ETV1: variants seen among roughly 807,000 people sequenced by gnomAD.
ETV1 encodes ETS variant transcription factor 1.
Under a neutral mutation model 62.3 loss-of-function variants are expected in ETV1, and 27 were observed. The observed-to-expected ratio is 0.43, with a 90% CI of 0.32 to 0.60. ETV1 has a LOEUF of 0.60. Ranked by LOEUF, ETV1 falls within the 20% of genes least tolerant of loss-of-function variation. ETV1 has a pLI of 0.06. For missense variants in ETV1, 605 were observed against 605.8 expected (o/e 1.00, Z 0.01); for synonymous variants, 222 against 199.6 (o/e 1.11, Z -0.94).
rs77694863 is a variant in ETV1 at position 13,911,213 on chromosome 7, C to T, written c.871+26G>A. On this transcript the variant is annotated intron_variant, in intron 10 of 13. Transcript: ENST00000430479. Reference sequence around the variant, plus strand: ...CTGATTATTCTGAACGGTATTTACACGGAATTTCAGTGGTGGACAACTTAA... The same window carrying T: ...CTGATTATTCTGAACGGTATTTACATGGAATTTCAGTGGTGGACAACTTAA... 0.046 allele frequency: 71,108 copies of T among 1,552,484 alleles called. 2,384 individuals carry two copies. The highest frequency in any genetic ancestry group is 0.12 in the South Asian group (11,117 of 89,502).
chr7:13,926,329 A>T (rs1420627197), intron 9 of ETV1, among the ~76,000 whole-genome samples: 5 of 152,210 alleles, frequency 3.3e-5, no homozygotes, highest in African/African-American at 1.2e-4. Context: ...CTACTGTAAG[A>T]TATCAAAAAG....
chr7:13,929,901 G>T (rs1238646205), intron 9 of ETV1, among the ~76,000 whole-genome samples: 1 of 152,120 alleles, frequency 6.6e-6, no homozygotes. Context: ...GAGCCTTAAG[G>T]GCAGTTCATT....
intron 6 of ETV1, among the ~76,000 whole-genome samples, chr7:13,975,760 A>C (rs1287723239): frequency 6.6e-6 from 1 of 152,056 alleles, no homozygotes; most frequent in African/African-American, 2.4e-5. Context: ...GAGTTCAAAG[A>C]GACTAAATAT....
At chr7:13,960,982 A>T (rs914431731) in intron 6 of ETV1, among the ~76,000 whole-genome samples, 3 of 152,076 alleles carry the variant, frequency 2.0e-5, no homozygotes, top group Non-Finnish European at 2.9e-5. Context: ...TCTACAAATA[A>T]TAATAACAAT....
chr7:13,982,918 C>T (rs1250609465), intron 5 of ETV1, among the ~76,000 whole-genome samples: 1 of 151,872 alleles, frequency 6.6e-6, no homozygotes, highest in Non-Finnish European at 1.5e-5. Context: ...GCACATATTA[C>T]TTATGATTTT....
intron 11 of ETV1, chr7:13,907,682 A>G (rs1487037821): frequency 6.4e-6 from 2 of 311,230 alleles, no homozygotes; most frequent in Non-Finnish European, 1.4e-5. Flanking sequence ...TAGTGCATAA[A>G]TTGCTCTTCT....
intron 6 of ETV1, among the ~76,000 whole-genome samples, chr7:13,952,716 T>C (rs1333920334): frequency 6.6e-6 from 1 of 152,034 alleles, no homozygotes; most frequent in Non-Finnish European, 1.5e-5. Flanking sequence ...CAGTAGGAAA[T>C]GTGGGAAAGT....
intron 5 of ETV1, among the ~76,000 whole-genome samples, chr7:13,980,494 C>G (rs1323130627): frequency 7.9e-5 from 12 of 152,038 alleles, no homozygotes; most frequent in Admixed American, 5.9e-4. Context: ...ATAAACTGTG[C>G]TGGATATAAT....
At chr7:13,906,640 T>A in intron 11 of ETV1, 41 bp from the exon 12 acceptor site, 1 of 1,403,836 alleles carries the variant, frequency 7.1e-7, no homozygotes. Flanking sequence ...TTAGCAATAC[T>A]ATGCTATCTT....
intron 13 of ETV1, among the ~76,000 whole-genome samples, chr7:13,896,725 A>AAG: frequency 6.9e-6 from 1 of 144,196 alleles, no homozygotes; most frequent in Non-Finnish European, 1.5e-5. Context: ...GAGAGAAAGA[A>AAG]AAAGAAAAAG....
chr7:13,970,000 T>C (rs1429872231), intron 6 of ETV1, among the ~76,000 whole-genome samples: 1 of 151,930 alleles, frequency 6.6e-6, no homozygotes, highest in Non-Finnish European at 1.5e-5. Flanking sequence ...CTCACGCCTG[T>C]AATCCCAGCA....
intron 7 of ETV1, among the ~76,000 whole-genome samples, chr7:13,936,741 G>C (rs1379677126): frequency 6.6e-6 from 1 of 152,160 alleles, no homozygotes; most frequent in East Asian, 1.9e-4. Flanking sequence ...TTCTAAGTTA[G>C]AATGCTGTAT....
intron 8 of ETV1, among the ~76,000 whole-genome samples, 184 bp from the exon 9 acceptor site, chr7:13,931,933 T>A (rs1300944728): frequency 6.6e-6 from 1 of 152,118 alleles, no homozygotes; most frequent in African/African-American, 2.4e-5. Context: ...ATCATATGAC[T>A]TATATTCCCT....
chr7:13,935,813 T>C lies in ETV1; in HGVS notation c.449A>G (p.His150Arg). ...TGTATGAGTTGAGTTTGGAGATGCA[T>C]GATGCAGTGGGGACACTGGCGTGCT... ...PSSTPVSPLHHASPNSTHTPK... is the reference protein window; with the variant it reads ...PSSTPVSPLHRASPNSTHTPK... The change falls in exon 8 of 14, where the codon CAT becomes CGT. Residue 150 changes from histidine (H) to arginine (R), a missense_variant. Physicochemically the swap from His to Arg is conservative, Grantham distance 29. Around this residue, in one of 3 missense-constraint regions of ETV1, gnomAD observed 426 missense variants for 377.8 expected, o/e 1.13. Transcript: ENST00000430479. 3 of 1,613,834 alleles carry C rather than the reference T, an allele frequency of 1.9e-6. No homozygotes were observed. The highest frequency in any genetic ancestry group is 2.5e-6 in the Non-Finnish European group (3 of 1,179,832).
intron 6 of ETV1, among the ~76,000 whole-genome samples, chr7:13,947,193 T>C (rs1308708151): frequency 6.6e-6 from 1 of 152,206 alleles, no homozygotes; most frequent in Non-Finnish European, 1.5e-5. Flanking sequence ...ACTGACTGGT[T>C]AATGTAAATC....
chr7:13,900,624 T>TA, intron 13 of ETV1, 114 bp downstream of exon 13: 1 of 712,932 alleles, frequency 1.4e-6, no homozygotes, highest in Non-Finnish European at 2.3e-6. Flanking sequence ...AAGCATTTGT[T>TA]AAAATGAGTG....
intron 5 of ETV1, among the ~76,000 whole-genome samples, chr7:13,979,662 T>A (rs1001411732): frequency 9.2e-5 from 14 of 152,140 alleles, no homozygotes; most frequent in Non-Finnish European, 1.6e-4. Flanking sequence ...CAGATATAAC[T>A]ATTGAGATGC....
intron 9 of ETV1, among the ~76,000 whole-genome samples, chr7:13,915,156 T>C (rs1327245275): frequency 2.6e-5 from 4 of 152,186 alleles, no homozygotes; most frequent in Non-Finnish European, 5.9e-5. Flanking sequence ...CCTATAAGTA[T>C]ATAGTGCAAA....
intron 3 of ETV1, 44 bp from the exon 4 acceptor site, chr7:13,988,217 A>C: frequency 7.8e-7 from 1 of 1,290,110 alleles, no homozygotes; most frequent in Non-Finnish European, 1.1e-6. Context: ...TGTAAACCTC[A>C]GATCACACAC....
Sources: allele counts gnomAD v4.1 joint callset (sites outside exome capture counted in the v4.1 genomes callset), GRCh38; gene constraint gnomAD v4.1.1; regional missense constraint gnomAD v4.1.1; transcripts MANE v1.5; gene names NCBI Gene and HGNC (gene_info 2026-07-23, HGNC 2026-07-21).